The following MED12L variants were observed in gnomAD, a reference collection of about 807,000 sequenced individuals.
MED12L encodes mediator complex subunit 12L, also known as mediator of RNA polymerase II transcription subunit 12-like protein.
MED12L carries 60 observed loss-of-function variants against 281.3 expected under a neutral mutation model. The observed-to-expected ratio is 0.21, with a 90% confidence interval of 0.17 to 0.26. The LOEUF (loss-of-function observed/expected upper bound fraction) is 0.26. Ranked by LOEUF, MED12L falls within the 10% of genes least tolerant of loss-of-function variation. The probability of loss-of-function intolerance (pLI) is 1.00; values close to 1 mark genes in which losing one functional copy is unlikely to be tolerated. For synonymous variants in MED12L, 974 were observed against 987.2 expected (o/e 0.99, Z 0.25); for missense variants, 2,146 against 2,680.9 (o/e 0.80, Z 4.41).
intron 16 of MED12L, among the ~76,000 whole-genome samples, chr3:151,239,315 A>G (rs928727926): frequency 6.6e-6 from 1 of 152,238 alleles, no homozygotes; most frequent in African/African-American, 2.4e-5. Context: ...TATTGCAATC[A>G]TGCTTTAAAA....
At chr3:151,309,412 T>A (rs1014190968) in intron 16 of MED12L, among the ~76,000 whole-genome samples, 2 of 152,138 alleles carry the variant, frequency 1.3e-5, no homozygotes, top group Admixed American at 6.6e-5. Context: ...GTCACAGTCT[T>A]CACTGGCTTA....
chr3:151,406,802 C>CTTTTTTT (rs36114038), intron 39 of MED12L, among the ~76,000 whole-genome samples: 2 of 137,366 alleles, frequency 1.5e-5, no homozygotes, highest in Non-Finnish European at 1.6e-5. Context: ...TCTTCTTCTT[C>CTTTTTTT]TTTTTTTTTT....
At chr3:151,210,236 A>G (rs1317815210) in intron 16 of MED12L, among the ~76,000 whole-genome samples, 1 of 152,202 alleles carries the variant, frequency 6.6e-6, no homozygotes, top group Non-Finnish European at 1.5e-5. Flanking sequence ...CTGATTGCCT[A>G]GAGTCAGTTA....
intron 11 of MED12L, among the ~76,000 whole-genome samples, chr3:151,181,589 T>TC (rs1287298608): frequency 1.8e-4 from 26 of 145,386 alleles, no homozygotes; most frequent in African/African-American, 6.6e-4. Context: ...TTTTTTTTTT[T>TC]TTTTTTTTTT....
At position 151,411,207 on chromosome 3, in the gene MED12L, A is replaced by G. The variant is rs188803984; in HGVS notation, c.5911-71A>G. On this transcript the variant is annotated intron_variant, in intron 40 of 44. Coordinates refer to ENST00000687756, the MANE Select transcript of MED12L (RefSeq NM_001393769.1). ...GTCCTCATGGGTTTGTTTTTGCCCC[A>G]TATATCGTAGTGATGGGAAAGCTAG... 4,207 of 1,362,232 alleles carry G rather than the reference A, an allele frequency of 3.1e-3. 9 individuals carry two copies. The highest frequency in any genetic ancestry group is 5.2e-3 in the Admixed American group (298 of 57,520). 84.4% of individuals were successfully genotyped at this position (1,362,232 alleles called of 1,614,324 possible). A position where few individuals can be genotyped will look rare whatever the true frequency, so the allele number is the denominator to read the frequency against.
chr3:151,240,926 C>T (rs1348020449), intron 16 of MED12L, among the ~76,000 whole-genome samples: 1 of 152,224 alleles, frequency 6.6e-6, no homozygotes, highest in African/African-American at 2.4e-5. Flanking sequence ...GCCTGAATCA[C>T]TGAACCTCTC....
intron 16 of MED12L, among the ~76,000 whole-genome samples, chr3:151,342,446 C>G (rs920618707): frequency 2.6e-5 from 4 of 152,194 alleles, no homozygotes; most frequent in African/African-American, 9.7e-5. Context: ...TGCAGAGCAG[C>G]AGCTCTGCAT....
chr3:151,365,713 C>A, intron 22 of MED12L, 137 bp from the exon 23 acceptor site: 1 of 760,234 alleles, frequency 1.3e-6, no homozygotes, highest in Non-Finnish European at 2.0e-6. Flanking sequence ...AGTTATTTGA[C>A]AAATGAGTAT....
rs1421903496 is a variant in MED12L at position 151,185,359 on chromosome 3, G to A, written c.1524G>A (p.Thr508=). Residue 508 remains threonine, a synonymous_variant, in exon 12 of 45, where the codon ACG becomes ACA. Transcript: ENST00000687756. ...CGCCCAACGATGAAGCTGTGGTGACGCTGTTATGTGAATGGGCCGTGAGCT... is the reference window on the plus strand; with the variant it reads ...CGCCCAACGATGAAGCTGTGGTGACACTGTTATGTGAATGGGCCGTGAGCT... ...EVAPNDEAVV[T]LLCEWAVSCK... 5.6e-6 allele frequency: 9 copies of A among 1,613,724 alleles called. No homozygotes were observed. The East Asian group carries it at 1.8e-4, about 32-fold the overall frequency.
chr3:151,256,050 C>A (rs756906649), intron 16 of MED12L, among the ~76,000 whole-genome samples: 14 of 152,288 alleles, frequency 9.2e-5, no homozygotes, highest in African/African-American at 3.1e-4. Flanking sequence ...TTCAAAACTG[C>A]ATGGTTCAAC....
intron 2 of MED12L, among the ~76,000 whole-genome samples, chr3:151,090,713 G>A (rs1719912168): frequency 6.6e-6 from 1 of 152,156 alleles, no homozygotes; most frequent in African/African-American, 2.4e-5. Flanking sequence ...TCCAGAAGTA[G>A]GAAGGAAGAG....
intron 6 of MED12L, 139 bp downstream of exon 6, chr3:151,156,469 A>G (rs1719301537): frequency 1.3e-6 from 1 of 748,254 alleles, no homozygotes; most frequent in Non-Finnish European, 2.1e-6. Context: ...CATTTCTCAC[A>G]TCGAATTGTA....
intron 8 of MED12L, 80 bp from the exon 9 acceptor site, chr3:151,163,811 CAG>C: frequency 7.3e-7 from 1 of 1,361,718 alleles, no homozygotes; most frequent in Non-Finnish European, 1.0e-6. Flanking sequence ...ACAGTGATGA[CAG>C]GGTGTCGTTT....
intron 2 of MED12L, among the ~76,000 whole-genome samples, chr3:151,106,309 C>CCTTT (rs1722043862): frequency 2.7e-5 from 1 of 36,884 alleles, no homozygotes. Context: ...CCTTTTCCTT[C>CCTTT]TCCCCTCCCC....
intron 8 of MED12L, among the ~76,000 whole-genome samples, chr3:151,161,068 G>A (rs1214610931): frequency 1.3e-5 from 2 of 152,186 alleles, no homozygotes; most frequent in Non-Finnish European, 2.9e-5. Flanking sequence ...TGGGCCTTAT[G>A]ATTGAGGTGT....
chr3:151,106,359 C>T (rs1297024970), intron 2 of MED12L, among the ~76,000 whole-genome samples: 2 of 120,468 alleles, frequency 1.7e-5, no homozygotes, highest in Non-Finnish European at 3.3e-5. Flanking sequence ...CTTTCCTTTC[C>T]TACAGGGTCT....
intron 16 of MED12L, among the ~76,000 whole-genome samples, chr3:151,345,517 C>CTTTTTTTTTTTT (rs201731496): frequency 7.6e-6 from 1 of 131,650 alleles, no homozygotes; most frequent in Non-Finnish European, 1.6e-5. Flanking sequence ...TTTTCTTTTT[C>CTTTTTTTTTTTT]TTTTTTTTTT....
chr3:151,323,772 C>T (rs1347070980), intron 16 of MED12L, among the ~76,000 whole-genome samples: 2 of 152,188 alleles, frequency 1.3e-5, no homozygotes, highest in Non-Finnish European at 2.9e-5. Context: ...GCAAAAGGCC[C>T]TGTACCCAAG....
At position 151,156,197 on chromosome 3, in the gene MED12L, A is replaced by G; in HGVS notation, c.593A>G (p.Gln198Arg). The change falls in exon 6 of 45, where the codon CAG becomes CGG. Residue 198 changes from glutamine to arginine, a missense_variant. Gln to Arg is a conservative substitution (Grantham distance 43, BLOSUM62 1). This residue lies in a region of MED12L where 722 missense variants were observed against 861.2 expected (regional missense o/e 0.84). Coordinates refer to ENST00000687756, the MANE Select transcript of MED12L (RefSeq NM_001393769.1). ...TQISTRYLRE[Q>R]LAKISDFYHM... ...ATATCTACCAGATATCTTCGAGAGC[A>G]GTTGGCCAAGATTTCTGACTTTTAC... The G allele has an allele frequency of 6.2e-7, 1 of 1,612,508 alleles. No homozygotes were observed. The highest frequency in any genetic ancestry group is 1.1e-5 in the South Asian group (1 of 90,634).
Sources: gnomAD v4.1 joint callset for allele counts (sites outside exome capture counted in the v4.1 genomes callset) on GRCh38, gnomAD v4.1.1 for gene constraint, gnomAD v4.1.1 regional missense constraint, MANE v1.5 for transcripts, NCBI Gene and HGNC (gene_info 2026-07-23, HGNC 2026-07-21) for gene names.